ERC2: variants seen among roughly 807,000 people sequenced by gnomAD.
ERC2 encodes ELKS/RAB6-interacting/CAST family member 2.
A neutral mutation model predicts 114.8 loss-of-function variants in ERC2; 42 were observed. The ratio of observed to expected loss-of-function variants is 0.37; its 90% CI spans 0.29 to 0.47. The LOEUF (loss-of-function observed/expected upper bound fraction) is 0.47. Ranked by LOEUF, ERC2 falls within the 20% of genes least tolerant of loss-of-function variation. The probability of loss-of-function intolerance (pLI) is 0.99; values close to 1 mark genes in which losing one functional copy is unlikely to be tolerated. For synonymous variants in ERC2, 454 were observed against 425.5 expected, an observed-to-expected ratio of 1.07 and a Z score of -0.82; for missense variants, 939 against 1,150.7, an observed-to-expected ratio of 0.82 and a Z score of 2.66.
intron 2 of ERC2, among the ~76,000 whole-genome samples, chr3:56,316,396 C>A (rs1237399701): frequency 6.6e-6 from 1 of 152,158 alleles, no homozygotes; most frequent in African/African-American, 2.4e-5. Flanking sequence ...TTTAAATCAC[C>A]TTTTAAGTGG....
chr3:56,036,686 C>T (rs564622337), intron 7 of ERC2, among the ~76,000 whole-genome samples: 2 of 152,234 alleles, frequency 1.3e-5, no homozygotes, highest in Admixed American at 6.5e-5. Flanking sequence ...AGCTCTCACC[C>T]CCAGACAAGG....
At chr3:56,392,951 A>T (rs910367173) in intron 2 of ERC2, among the ~76,000 whole-genome samples, 1 of 152,138 alleles carries the variant, frequency 6.6e-6, no homozygotes, top group African/African-American at 2.4e-5. Flanking sequence ...GCCTCCCTTC[A>T]GCTCCTTCTT....
intron 2 of ERC2, among the ~76,000 whole-genome samples, chr3:56,338,700 A>G (rs889975766): frequency 6.6e-6 from 1 of 152,214 alleles, no homozygotes; most frequent in Non-Finnish European, 1.5e-5. Flanking sequence ...ACATATACAA[A>G]GTGCCAGGAT....
At position 56,054,990 on chromosome 3, in the gene ERC2, A is replaced by G. The variant is rs183678402; in HGVS notation, c.1641+25827T>C. The stretch of plus-strand genomic sequence containing the variant: ...CCTCATGGCAGTGCGATGTAATTCA[A>G]TATTGCAACACTGAGGCTCGGAAAG... On this transcript the variant is annotated intron_variant, in intron 7 of 17. Transcript: ENST00000288221. 9.1e-4 allele frequency among the ~76,000 whole-genome samples: 138 copies of G among 152,314 alleles called. 1 individual carries two copies. The highest frequency in any genetic ancestry group is 3.2e-3 in the African/African-American group (133 of 41,566).
Position 56,468,237 on chromosome 3 carries a change from C to T in ERC2, c.-141+11G>A, listed in dbSNP as rs2063647407. The T allele has an allele frequency of 6.6e-6, 1 of 151,990 alleles. No individual in the cohort carries two copies. The highest frequency in any genetic ancestry group is 6.5e-5 in the Admixed American group (1 of 15,282). 9.4% of individuals were successfully genotyped at this position (151,990 alleles called of 1,614,324 possible). The stretch of plus-strand genomic sequence containing the variant: ...CACCAGGCGGCCCCGGCCCCGGCGT[C>T]GGCGTCTCACCTTTCCGATGCTCGC... On this transcript the variant is annotated intron_variant, in intron 1 of 17. Coordinates refer to ENST00000288221, the MANE Select transcript of ERC2 (RefSeq NM_015576.3).
At chr3:56,334,281 T>A (rs1165704690) in intron 2 of ERC2, among the ~76,000 whole-genome samples, 1 of 152,194 alleles carries the variant, frequency 6.6e-6, no homozygotes, top group Non-Finnish European at 1.5e-5. Context: ...GCAGGAGGGC[T>A]TCAGGATGGA....
At chr3:56,430,342 C>T (rs1346359893) in intron 2 of ERC2, among the ~76,000 whole-genome samples, 1 of 152,140 alleles carries the variant, frequency 6.6e-6, no homozygotes, top group Admixed American at 6.5e-5. Context: ...AAACCCTAAA[C>T]AGCACAAAAA....
rs78819679 is a variant in ERC2 at position 55,989,801 on chromosome 3, C to G, written c.2255+2256G>C. Among the ~76,000 whole-genome samples the G allele has an allele frequency of 2.3e-3, 351 of 152,240 alleles. 3 individuals carry two copies. Among genetic ancestry groups the G allele is most frequent in the African/African-American group, 8.1e-3 (337 of 41,560 alleles). On this transcript the variant is annotated intron_variant, in intron 11 of 17. Coordinates refer to ENST00000288221, the MANE Select transcript of ERC2 (RefSeq NM_015576.3). The stretch of plus-strand genomic sequence containing the variant: ...TGCACGTCAAGTGCTTCCCAGAGTA[C>G]CTGGCACACAGTGAGCATAGAATAT...
intron 15 of ERC2, among the ~76,000 whole-genome samples, chr3:55,712,617 T>C (rs767302550): frequency 4.6e-5 from 7 of 152,194 alleles, no homozygotes; most frequent in Non-Finnish European, 8.8e-5. Context: ...TCCTGGTGGA[T>C]GGTGGTCCAG....
At chr3:55,874,852 G>A (rs573848922) in intron 14 of ERC2, among the ~76,000 whole-genome samples, 12 of 152,166 alleles carry the variant, frequency 7.9e-5, no homozygotes, top group Non-Finnish European at 1.5e-4. Context: ...CAGCGACACT[G>A]GGAGCCATGA....
At chr3:55,550,755 G>T (rs949958592) in intron 17 of ERC2, among the ~76,000 whole-genome samples, 1 of 152,106 alleles carries the variant, frequency 6.6e-6, no homozygotes, top group South Asian at 2.1e-4. Context: ...AGTGGCTCAC[G>T]CCTATAATCC....
chr3:56,315,683 T>A (rs778722118), intron 2 of ERC2, among the ~76,000 whole-genome samples: 1 of 152,094 alleles, frequency 6.6e-6, no homozygotes, highest in Non-Finnish European at 1.5e-5. Context: ...AAACAAGGAA[T>A]TGCAAAGTGC....
chr3:56,358,595 A>C (rs1023769923), intron 2 of ERC2, among the ~76,000 whole-genome samples: 14 of 152,252 alleles, frequency 9.2e-5, no homozygotes, highest in African/African-American at 3.4e-4. Context: ...CTAAAAGGCA[A>C]TAACATCCAA....
chr3:56,375,139 T>A (rs893793109), intron 2 of ERC2, among the ~76,000 whole-genome samples: 2 of 152,160 alleles, frequency 1.3e-5, no homozygotes, highest in Non-Finnish European at 2.9e-5. Context: ...CATAGTAATC[T>A]CTCCCCAAAA....
chr3:55,928,596 A>C (rs1413987529), intron 13 of ERC2, among the ~76,000 whole-genome samples: 1 of 152,066 alleles, frequency 6.6e-6, no homozygotes, highest in Non-Finnish European at 1.5e-5. Context: ...CCTTGTGTGT[A>C]GAAGCTTTTT....
chr3:56,280,455 G>T (rs975064947), intron 3 of ERC2, among the ~76,000 whole-genome samples: 1 of 152,190 alleles, frequency 6.6e-6, no homozygotes, highest in Non-Finnish European at 1.5e-5. Flanking sequence ...TGTCTGGCTT[G>T]GGTTGGGAGG....
At chr3:55,600,493 A>C (rs535861757) in intron 17 of ERC2, among the ~76,000 whole-genome samples, 1 of 152,332 alleles carries the variant, frequency 6.6e-6, no homozygotes, top group Non-Finnish European at 1.5e-5. Context: ...GGAAACATTC[A>C]CGTCTGCCAT....
At chr3:55,832,951 C>G (rs764325700) in intron 14 of ERC2, among the ~76,000 whole-genome samples, 2 of 151,764 alleles carry the variant, frequency 1.3e-5, no homozygotes, top group African/African-American at 2.4e-5. Flanking sequence ...TCGAGAACTA[C>G]ATGAAGAATG....
At chr3:56,256,273 A>C (rs2052511033) in intron 3 of ERC2, among the ~76,000 whole-genome samples, 2 of 152,224 alleles carry the variant, frequency 1.3e-5, no homozygotes, top group African/African-American at 2.4e-5. Flanking sequence ...TTTCAAAAAC[A>C]TTAACTTGCT....
Sources: gnomAD v4.1 joint callset for allele counts (sites outside exome capture counted in the v4.1 genomes callset) on GRCh38, gnomAD v4.1.1 for gene constraint, MANE v1.5 for transcripts, NCBI Gene and HGNC (gene_info 2026-07-23, HGNC 2026-07-21) for gene names.